CASP8: variants seen among roughly 807,000 people sequenced by gnomAD.
CASP8 encodes the protein caspase-8.
Under a neutral mutation model 46.3 loss-of-function variants are expected in CASP8, and 24 were observed. The ratio of observed to expected loss-of-function variants is 0.52; its 90% CI spans 0.38 to 0.73. CASP8 has a LOEUF of 0.73. Ranked by LOEUF, CASP8 falls within the 30% of genes least tolerant of loss-of-function variation. The probability of loss-of-function intolerance (pLI) is 0.00; values close to 1 mark genes in which losing one functional copy is unlikely to be tolerated. For missense variants in CASP8, 460 were observed against 559.0 expected (o/e 0.82, Z 1.79); for synonymous variants, 188 against 200.4 (o/e 0.94, Z 0.52).
Position 201,251,074 on chromosome 2 carries a change from C to T in CASP8, c.-26-15387C>T, listed in dbSNP as rs943608369. ...CAATTAAGGCTCTTCCATGCCTTTG[C>T]GTGGTTTGATAGCTCATTTCTTTTT... On this transcript the variant is annotated intron_variant, in intron 2 of 6. Transcript: ENST00000264274. Among the ~76,000 whole-genome samples the T allele has an allele frequency of 1.6e-4, 25 of 152,128 alleles. 1 individual carries two copies. Among genetic ancestry groups the T allele is most frequent in the African/African-American group, 6.0e-4 (25 of 41,426 alleles).
intron 1 of CASP8, among the ~76,000 whole-genome samples, chr2:201,262,499 A>G (rs1005980134): frequency 1.3e-5 from 2 of 152,026 alleles, no homozygotes; most frequent in African/African-American, 2.4e-5. Context: ...TATATGTATT[A>G]CATGGCAACA....
At chr2:201,259,977 G>A (rs1947273609), upstream of CASP8, among the ~76,000 whole-genome samples, 1 of 136,412 alleles carries the variant, frequency 7.3e-6, no homozygotes, top group South Asian at 2.3e-4. Context: ...TCTTTTTAGA[G>A]TTTTTTTTTT....
chr2:201,255,861 C>T (rs1221969808), upstream of CASP8, among the ~76,000 whole-genome samples: 4 of 152,138 alleles, frequency 2.6e-5, no homozygotes, highest in African/African-American at 9.7e-5. Context: ...CTCCAGTTAT[C>T]CTCTCACCTC....
chr2:201,273,046 G>C, intron 5 of CASP8, 104 bp downstream of exon 5: 1 of 908,060 alleles, frequency 1.1e-6, no homozygotes, highest in Non-Finnish European at 1.7e-6. Context: ...TAACGTGCCT[G>C]CTCTACTTTT....
At chr2:201,244,044 C>T (rs1179939524) in intron 2 of CASP8, among the ~76,000 whole-genome samples, 1 of 152,146 alleles carries the variant, frequency 6.6e-6, no homozygotes, top group Non-Finnish European at 1.5e-5. Flanking sequence ...TTTTTCAGAG[C>T]CCAAGCGAGA....
At chr2:201,274,658 G>A (rs778292744) in intron 5 of CASP8, among the ~76,000 whole-genome samples, 5 of 152,140 alleles carry the variant, frequency 3.3e-5, no homozygotes, top group African/African-American at 4.8e-5. Context: ...TGTACTTTTA[G>A]TAGAGACAGG....
chr2:201,244,819 G>A (rs1159184162), intron 2 of CASP8, among the ~76,000 whole-genome samples: 2 of 152,136 alleles, frequency 1.3e-5, no homozygotes, highest in East Asian at 3.9e-4. Flanking sequence ...ATTGAAGGGG[G>A]TGGGGGGCCC....
In CASP8 at chr2:201,272,735, G is replaced by T; in HGVS notation, c.509G>T (p.Ser170Ile). 1 of 1,614,162 alleles carries T rather than the reference G, an allele frequency of 6.2e-7. No homozygotes were observed. Among genetic ancestry groups the T allele is most frequent in the African/African-American group, 1.3e-5 (1 of 75,034 alleles). ...AGAGTCTGTGCCCAAATCAACAAGA[G>T]CCTGCTGAAGATAATCAACGACTAT... ...LKRVCAQINK[S>I]LLKIINDYEE... The change falls in exon 4 of 9, where the codon AGC becomes ATC. Residue 170 changes from serine (S) to isoleucine (I), a missense_variant. Coordinates refer to ENST00000673742, the MANE Select transcript of CASP8 (RefSeq NM_001372051.1). This position sits in a 1 kb window ranked among gnomAD's most constrained non-coding sequence, Gnocchi z 4.4.
intron 2 of CASP8, chr2:201,269,675 T>G: frequency 1.9e-6 from 2 of 1,035,254 alleles, no homozygotes; most frequent in Non-Finnish European, 3.0e-6. Context: ...CCTGACTTAC[T>G]GCTTGTTCAT....
chr2:201,253,807 G>T (rs58747439), intron 2 of CASP8, among the ~76,000 whole-genome samples: 14,268 of 152,116 alleles, frequency 0.094, 894 homozygotes, highest in South Asian at 0.29. Context: ...TCTGGGCCAG[G>T]CGCAGCGGCT....
In CASP8 at chr2:201,272,867, A is replaced by C; in HGVS notation, c.551-31A>C. 1 of 1,614,094 alleles carries C rather than the reference A, an allele frequency of 6.2e-7. No individual in the cohort carries two copies. The highest frequency in any genetic ancestry group is 1.1e-5 in the South Asian group (1 of 91,084). On this transcript the variant is annotated intron_variant, in intron 4 of 8. Transcript: ENST00000673742. This position sits in a 1 kb window ranked among gnomAD's most constrained non-coding sequence, Gnocchi z 4.4. ...CCATATCACAGTTGTTTCTAATCAA[A>C]TATTGTTTGGGGTTTCCCCTTTTAA... is the stretch of plus-strand genomic sequence containing the variant.
At chr2:201,257,896 T>C (rs1196298360), upstream of CASP8, 2 of 367,804 alleles carry the variant, frequency 5.4e-6, no homozygotes, top group Non-Finnish European at 1.0e-5. Flanking sequence ...ATGGAGTCAG[T>C]ATAAATGCTT....
intron 3 of CASP8, among the ~76,000 whole-genome samples, chr2:201,271,972 C>T (rs1391534151): frequency 6.6e-6 from 1 of 152,004 alleles, no homozygotes; most frequent in Non-Finnish European, 1.5e-5. Flanking sequence ...TATATTGTGT[C>T]TGTGTGTTGT....
At position 201,272,523 on chromosome 2, in the gene CASP8, T is replaced by G; in HGVS notation, c.412-115T>G. The stretch of plus-strand genomic sequence containing the variant: ...GAGACCAGCAGAAACTGTCAGAAAC[T>G]TGGGAAGCAAGGGCAGGTCCTTGGT... On this transcript the variant is annotated intron_variant, in intron 3 of 8. Coordinates refer to ENST00000673742, the MANE Select transcript of CASP8 (RefSeq NM_001372051.1). The surrounding 1 kb of genome is among the most constrained non-coding windows in gnomAD (Gnocchi z 4.4). 8.6e-7 allele frequency: 1 copy of G among 1,168,900 alleles called. No homozygotes were observed. Among genetic ancestry groups the G allele is most frequent in the Non-Finnish European group, 1.3e-6 (1 of 798,894 alleles). 72.4% of individuals were successfully genotyped at this position (1,168,900 alleles called of 1,614,324 possible).
intron 2 of CASP8, among the ~76,000 whole-genome samples, chr2:201,251,144 C>G (rs1022500448): frequency 6.6e-6 from 1 of 152,196 alleles, no homozygotes; most frequent in African/African-American, 2.4e-5. Flanking sequence ...ACAGTTTATC[C>G]ATTCATTTAT....
intron 2 of CASP8, among the ~76,000 whole-genome samples, chr2:201,250,111 C>T (rs7570325): frequency 0.091 from 13,878 of 152,056 alleles, 1,204 homozygotes; most frequent in African/African-American, 0.22. Flanking sequence ...AAGTGTAGTC[C>T]GCTGGCAGAA....
At chr2:201,245,288 CAGGTTGG>C (rs1183732132) in intron 2 of CASP8, among the ~76,000 whole-genome samples, 1 of 151,966 alleles carries the variant, frequency 6.6e-6, no homozygotes, top group Non-Finnish European at 1.5e-5. Context: ...CTCTGTCACC[CAGGTTGG>C]AGTGCAGTGG....
chr2:201,258,343 G>A (rs376887804), upstream of CASP8: 17 of 1,613,888 alleles, frequency 1.1e-5, no homozygotes, highest in Middle Eastern at 1.6e-4. Flanking sequence ...CAGGTTAGGG[G>A]ACTCGGAGAC....
intron 2 of CASP8, among the ~76,000 whole-genome samples, chr2:201,269,027 C>T (rs768159689): frequency 6.6e-6 from 1 of 151,758 alleles, no homozygotes; most frequent in Non-Finnish European, 1.5e-5. Flanking sequence ...CAACCTCCAC[C>T]TCCTGGGTTC....
Sources: gnomAD v4.1 joint callset for allele counts (sites outside exome capture counted in the v4.1 genomes callset) on GRCh38, gnomAD v4.1.1 for gene constraint, Gnocchi (gnomAD v3.1) non-coding constraint, MANE v1.5 for transcripts, NCBI Gene and HGNC (gene_info 2026-07-23, HGNC 2026-07-21) for gene names.